The following TENM3 variants were observed in gnomAD, a reference collection of about 807,000 sequenced individuals.
The protein encoded by TENM3 is teneurin-3.
In TENM3, 63 loss-of-function variants were observed where a neutral mutation model predicts 255.1. The ratio of observed to expected loss-of-function variants is 0.25; its 90% CI spans 0.20 to 0.30. TENM3 has a LOEUF of 0.30. Ranked by LOEUF, TENM3 falls within the 10% of genes least tolerant of loss-of-function variation. The pLI is 1.00. For synonymous variants in TENM3, 1,306 were observed against 1,322.3 expected, an observed-to-expected ratio of 0.99 and a Z score of 0.27; for missense variants, 2,929 against 3,461.1, an observed-to-expected ratio of 0.85 and a Z score of 3.86.
chr4:182,506,840 A>T (rs538147675), intron 3 of TENM3, among the ~76,000 whole-genome samples: 115 of 152,286 alleles, frequency 7.6e-4, no homozygotes, highest in Middle Eastern at 3.4e-3. Context: ...CTCTGTTTTG[A>T]TAGTACTTAA....
intron 1 of TENM3, among the ~76,000 whole-genome samples, chr4:182,246,224 G>T (rs1281707662): frequency 6.6e-6 from 1 of 152,134 alleles, no homozygotes; most frequent in African/African-American, 2.4e-5. Context: ...TCATCAGCAG[G>T]ATTTACCACC....
the TENM3 span, among the ~76,000 whole-genome samples, chr4:181,632,268 T>G: frequency 3.3e-5 from 5 of 152,198 alleles, no homozygotes; most frequent in East Asian, 9.7e-4. Flanking sequence ...TCATATCTCG[T>G]GAGAACTAAC....
chr4:181,783,875 C>T, the TENM3 span, among the ~76,000 whole-genome samples: 2,527 of 151,834 alleles, frequency 0.017, 53 homozygotes, highest in African/African-American at 0.057. Context: ...AAATTTTTTA[C>T]TTTTTGAAGA....
intron 3 of TENM3, among the ~76,000 whole-genome samples, chr4:182,371,334 C>A (rs192940905): frequency 1.3e-5 from 2 of 152,016 alleles, no homozygotes; most frequent in East Asian, 1.9e-4. Context: ...GATAATAACA[C>A]CCTATTTCTG....
chr4:181,939,314 C>G, the TENM3 span, among the ~76,000 whole-genome samples: 2 of 152,158 alleles, frequency 1.3e-5, no homozygotes, highest in Admixed American at 6.5e-5. Context: ...GTATCAGCCA[C>G]TTGAGTGTGC....
the TENM3 span, among the ~76,000 whole-genome samples, chr4:181,481,136 T>C: frequency 2.0e-5 from 3 of 150,742 alleles, no homozygotes; most frequent in Admixed American, 2.0e-4. Flanking sequence ...GAAAAAAACC[T>C]ATAAAAAACT....
chr4:181,760,363 C>T, the TENM3 span, among the ~76,000 whole-genome samples: 4 of 151,632 alleles, frequency 2.6e-5, no homozygotes, highest in Admixed American at 2.0e-4. Context: ...TGTTTTTAAA[C>T]TGCTAATAAA....
At chr4:181,584,930 C>T in the TENM3 span, among the ~76,000 whole-genome samples, 3 of 145,006 alleles carry the variant, frequency 2.1e-5, no homozygotes, top group African/African-American at 7.6e-5. Context: ...TGTCGGGATG[C>T]GGTAAAGCTA....
intron 1 of TENM3, among the ~76,000 whole-genome samples, chr4:182,261,640 A>T (rs1385557082): frequency 1.3e-5 from 2 of 152,222 alleles, no homozygotes; most frequent in Admixed American, 1.3e-4. Flanking sequence ...ACTTGCAAAA[A>T]TTTGTTCCAG....
chr4:182,042,867 G>A, the TENM3 span, among the ~76,000 whole-genome samples: 1 of 106,272 alleles, frequency 9.4e-6, no homozygotes, highest in African/African-American at 3.6e-5. Context: ...TCCAAAACAA[G>A]TTATCGTGTG....
At chr4:181,820,290 T>C in the TENM3 span, 1 of 152,196 alleles carries the variant, frequency 6.6e-6, no homozygotes, top group Non-Finnish European at 1.5e-5. Flanking sequence ...TCCGCTTTGT[T>C]TTTGGCTGAC....
the TENM3 span, among the ~76,000 whole-genome samples, chr4:181,583,002 C>G: frequency 6.6e-6 from 1 of 152,186 alleles, no homozygotes; most frequent in Non-Finnish European, 1.5e-5. Context: ...ATAAATGGAC[C>G]TACCCACACA....
chr4:182,587,754 T>C (rs184465629), intron 3 of TENM3, among the ~76,000 whole-genome samples: 2 of 152,306 alleles, frequency 1.3e-5, no homozygotes, highest in East Asian at 1.9e-4. Context: ...GCCTTTTACA[T>C]AGTTATTTTT....
chr4:181,872,483 C>T, the TENM3 span, among the ~76,000 whole-genome samples: 1 of 152,004 alleles, frequency 6.6e-6, no homozygotes, highest in Non-Finnish European at 1.5e-5. Context: ...CACCCTCTGC[C>T]TTCTGATAGG....
intron 1 of TENM3, among the ~76,000 whole-genome samples, chr4:182,213,185 T>C (rs1755170856): frequency 6.6e-6 from 1 of 152,250 alleles, no homozygotes. Flanking sequence ...AAGAACTTCT[T>C]GTAACTTATC....
the TENM3 span, among the ~76,000 whole-genome samples, chr4:181,984,190 T>C: frequency 6.6e-6 from 1 of 152,082 alleles, no homozygotes; most frequent in East Asian, 1.9e-4. Flanking sequence ...CAGCACCTCT[T>C]CCTTCTTGAC....
At chr4:182,712,259 C>T (rs571590581) in intron 12 of TENM3, among the ~76,000 whole-genome samples, 2 of 152,184 alleles carry the variant, frequency 1.3e-5, no homozygotes, top group South Asian at 2.1e-4. Context: ...AGAGAAAATT[C>T]CCCTTCCCTT....
chr4:182,232,500 C>A (rs562447148), intron 1 of TENM3, among the ~76,000 whole-genome samples: 2 of 152,156 alleles, frequency 1.3e-5, no homozygotes, highest in African/African-American at 4.8e-5. Context: ...CCAAGGTGGG[C>A]GGATTACAAG....
At chr4:181,936,872 C>T in the TENM3 span, among the ~76,000 whole-genome samples, 1 of 151,974 alleles carries the variant, frequency 6.6e-6, no homozygotes, top group African/African-American at 2.4e-5. Context: ...ATGCTAGGCT[C>T]TAGGCGCAAA....
Sources: gnomAD v4.1 joint callset for allele counts (sites outside exome capture counted in the v4.1 genomes callset) on GRCh38, gnomAD v4.1.1 for gene constraint, MANE v1.5 for transcripts, NCBI Gene and HGNC (gene_info 2026-07-23, HGNC 2026-07-21) for gene names.